Variants in PHOSPHO1 observed in about 807,000 individuals in gnomAD.
The protein encoded by PHOSPHO1 is phosphoethanolamine/phosphocholine phosphatase.
PHOSPHO1 carries 6 observed loss-of-function variants against 17.7 expected under a neutral mutation model. The ratio of observed to expected loss-of-function variants is 0.34; its 90% CI spans 0.19 to 0.67. The LOEUF is 0.67. Among genes scored for constraint, PHOSPHO1 ranks in the 30% least tolerant of loss-of-function variants. The pLI is 0.69. For synonymous variants in PHOSPHO1, 159 were observed against 174.6 expected, an observed-to-expected ratio of 0.91 and a Z score of 0.71; for missense variants, 330 against 392.1, an observed-to-expected ratio of 0.84 and a Z score of 1.34.
rs2143557667 is a variant in PHOSPHO1, at chr17:49,224,585, C to G, written c.465G>C (p.Arg155=). The G allele has an allele frequency of 6.4e-7, 1 of 1,564,068 alleles. No homozygotes were observed. Among genetic ancestry groups the G allele is most frequent in the East Asian group, 2.4e-5 (1 of 42,518 alleles). Residue 155 remains arginine (R), a synonymous_variant, in exon 3 of 3, where the codon CGG becomes CGC. Coordinates refer to ENST00000310544, the MANE Select transcript of PHOSPHO1 (RefSeq NM_178500.4). ...GGAACGGCCGCAGAGCCAGCAGTCCCCGCGCATCCGGCCCCGACGGGTTGC... is the reference window on the plus strand; with the variant it reads ...GGAACGGCCGCAGAGCCAGCAGTCCGCGCGCATCCGGCCCCGACGGGTTGC... ...ILSNPSGPDA[R]GLLALRPFHT...
rs1294844151 is a variant in PHOSPHO1 at position 49,224,753 on chromosome 17, C to A, written c.297G>T (p.Ser99=). Residue 99 remains serine (S), a synonymous_variant, in exon 3 of 3, where the codon TCG becomes TCT. Transcript: ENST00000310544. ...ACTGCAGCAGGTCGCTCATGCCTGG[C>A]GACAAAGGGATGGCTTCGTAGATGG... ...LSAIYEAIPL[S]PGMSDLLQFV... is the part of the protein sequence containing the mutation. 12 of 1,599,516 alleles carry A rather than the reference C, an allele frequency of 7.5e-6. No individual in the cohort carries two copies. The highest frequency in any genetic ancestry group is 3.4e-5 in the South Asian group (3 of 88,952).
At chr17:49,225,757 C>T (rs1316921131) in intron 2 of PHOSPHO1, 2 of 1,276,052 alleles carry the variant, frequency 1.6e-6, no homozygotes, top group Admixed American at 4.8e-5. Context: ...TAAGAGCCTC[C>T]CGCACCAGGC....
At chr17:49,225,065 C>A in intron 2 of PHOSPHO1, 61 bp from the exon 3 acceptor site, 11 of 1,446,136 alleles carry the variant, frequency 7.6e-6, no homozygotes, top group South Asian at 2.9e-5. Context: ...AGAGGGGGCG[C>A]GGCAGGAGCC....
Position 49,224,106 on chromosome 17 carries a change from C to T in PHOSPHO1, c.*140G>A. 5 of 1,302,838 alleles carry T rather than the reference C, an allele frequency of 3.8e-6. No homozygotes were observed. Among genetic ancestry groups the T allele is most frequent in the Non-Finnish European group, 5.1e-6 (5 of 981,488 alleles). The allele number at this position is 1,302,838 out of a possible 1,614,324, so 80.7% of individuals were successfully genotyped here. Reference sequence around the variant, plus strand: ...GCTCTGAGCCCCCTTCCCCAAGCCCCCAAATACGAGATTCCAGAAATTCCC... The same window carrying T: ...GCTCTGAGCCCCCTTCCCCAAGCCCTCAAATACGAGATTCCAGAAATTCCC... On this transcript the variant is annotated 3_prime_UTR_variant, in exon 3 of 3. Coordinates refer to ENST00000310544, the MANE Select transcript of PHOSPHO1 (RefSeq NM_178500.4).
In PHOSPHO1 at chr17:49,224,252, C is replaced by T. The variant is rs751801239; in HGVS notation, c.798G>A (p.Ser266=). ...VRLHLQQVLK[S]C ...CCCCTGCAGGCGGCCAGACTCAGCA[C>T]GACTTCAGCACCTGTTGCAGGTGGA... The change falls in exon 3 of 3, where the codon TCG becomes TCA. Residue 266 remains serine, a synonymous_variant. Coordinates refer to ENST00000310544, the MANE Select transcript of PHOSPHO1 (RefSeq NM_178500.4). The T allele has an allele frequency of 3.8e-6, 6 of 1,569,750 alleles. No homozygotes were observed. The East Asian group carries it at 6.8e-5, about 18-fold the overall frequency.
Position 49,224,004 on chromosome 17 carries a change from G to A in PHOSPHO1, c.*242C>T, listed in dbSNP as rs889152349. 5.2e-5 allele frequency: 25 copies of A among 482,358 alleles called. No homozygotes were observed. The highest frequency in any genetic ancestry group is 2.8e-4 in the Admixed American group (7 of 25,286). The allele number at this position is 482,358 out of a possible 1,614,324, so 29.9% of individuals were successfully genotyped here. On this transcript the variant is annotated 3_prime_UTR_variant, in exon 3 of 3. Transcript: ENST00000310544. ...AGGTTTGCGCGCCACCCCGCGATGG[G>A]TCAGACTCCAGAACTCAACCGTGCA...
chr17:49,226,636 GACCCACTTA>G lies in PHOSPHO1; in HGVS notation c.45+2_45+10del. On this transcript the variant is annotated splice_donor_variant and splice_donor_5th_base_variant and intron_variant, in intron 2 of 2. Coordinates refer to ENST00000310544, the MANE Select transcript of PHOSPHO1 (RefSeq NM_178500.4). LOFTEE classifies it high-confidence loss of function. ...CCTCATCCTAGGAGACCCCTGGAGG[GACCCACTTA>G]CCCTAGATAGGCAGCGGAGGCCAGA... is the stretch of plus-strand genomic sequence containing the variant. The G allele has an allele frequency of 6.2e-7, 1 of 1,614,020 alleles. No homozygotes were observed. The highest frequency in any genetic ancestry group is 8.5e-7 in the Non-Finnish European group (1 of 1,179,912).
At chr17:49,226,818 A>G (rs1378589450) in intron 1 of PHOSPHO1, 60 bp from the exon 2 acceptor site, 1 of 1,040,684 alleles carries the variant, frequency 9.6e-7, no homozygotes, top group Non-Finnish European at 1.5e-6. Flanking sequence ...TTCCACCAGG[A>G]ATACCCACCT....
chr17:49,225,500 C>T (rs929550686), intron 2 of PHOSPHO1: 12 of 985,294 alleles, frequency 1.2e-5, no homozygotes, highest in Non-Finnish European at 2.4e-6. Flanking sequence ...CCCAACTGGA[C>T]CAGTTTCCTC....
chr17:49,224,932 CG>C lies in PHOSPHO1; in HGVS notation c.117del (p.Asp39GlufsTer51). On this transcript the variant is annotated frameshift_variant, in exon 3 of 3. Transcript: ENST00000310544. LOFTEE classifies it high-confidence loss of function. Reference protein sequence around the residue: ...LTFDFDETIVDENSDDSIVRA... With the variant: ...LTFDFDETIVXENSDDSIVRA... ...CGCACGATCGAATCGTCGCTGTTTT[CG>C]TCCACGATAGTCTCGTCGAAGTCGA... 1 of 1,593,478 alleles carries C rather than the reference CG, an allele frequency of 6.3e-7. No homozygotes were observed. Among genetic ancestry groups the C allele is most frequent in the East Asian group, 2.3e-5 (1 of 43,886 alleles).
At position 49,224,157 on chromosome 17, in the gene PHOSPHO1, A is replaced by C; in HGVS notation, c.*89T>G. 7.0e-7 allele frequency: 1 copy of C among 1,426,356 alleles called. No homozygotes were observed. Among genetic ancestry groups the C allele is most frequent in the Non-Finnish European group, 9.2e-7 (1 of 1,088,482 alleles). The allele number at this position is 1,426,356 out of a possible 1,614,324, so 88.4% of individuals were successfully genotyped here. ...AGAGGGACATAACAAAGCCAAAGGG[A>C]AAAGGGAGTAGTAAAGCTGTCTTTG... is the stretch of plus-strand genomic sequence containing the variant. On this transcript the variant is annotated 3_prime_UTR_variant, in exon 3 of 3. Transcript: ENST00000310544.
In PHOSPHO1 at chr17:49,230,675, T is replaced by A. The variant is rs1598255764; in HGVS notation, c.-275A>T. The A allele has an allele frequency of 1.3e-5, 2 of 152,990 alleles. No homozygotes were observed. Among genetic ancestry groups the A allele is most frequent in the African/African-American group, 4.8e-5 (2 of 41,566 alleles). 9.5% of individuals were successfully genotyped at this position (152,990 alleles called of 1,614,324 possible). A position where few individuals can be genotyped will look rare whatever the true frequency, so the allele number is the denominator to read the frequency against. On this transcript the variant is annotated 5_prime_UTR_variant, in exon 1 of 3. The change creates a premature stop within an existing upstream ORF in the 5' untranslated region. Transcript: ENST00000310544. ...CGAGGGACTGAGGATGATGTGCGTC[T>A]GAGCCGTCCCCTCCACTTGCCCCTC...
chr17:49,226,280 G>A (rs1343559206), intron 2 of PHOSPHO1, among the ~76,000 whole-genome samples: 1 of 152,052 alleles, frequency 6.6e-6, no homozygotes, highest in Non-Finnish European at 1.5e-5. Context: ...CATATTCCTG[G>A]TGTGCTTATG....
At chr17:49,229,456 C>T (rs1383147983) in intron 1 of PHOSPHO1, among the ~76,000 whole-genome samples, 1 of 152,204 alleles carries the variant, frequency 6.6e-6, no homozygotes, top group Non-Finnish European at 1.5e-5. Context: ...CAGATCCCTG[C>T]CTGCTTCTCC....
intron 2 of PHOSPHO1, 98 bp from the exon 3 acceptor site, chr17:49,225,102 C>T: frequency 6.9e-7 from 1 of 1,442,730 alleles, no homozygotes; most frequent in South Asian, 1.5e-5. Flanking sequence ...GTTAGCGGGC[C>T]ACGGCCAGAG....
At chr17:49,226,562 G>T (rs1598252912) in intron 2 of PHOSPHO1, 85 bp downstream of exon 2, 11 of 1,430,510 alleles carry the variant, frequency 7.7e-6, no homozygotes, top group Non-Finnish European at 1.1e-5. Context: ...GCTGGATAGG[G>T]CCTCTCCCAA....
chr17:49,227,940 G>C (rs990323446), intron 1 of PHOSPHO1, among the ~76,000 whole-genome samples: 7 of 152,114 alleles, frequency 4.6e-5, no homozygotes, highest in African/African-American at 1.4e-4. Flanking sequence ...GAGGAGGTGG[G>C]AGAGAAGGGG....
Position 49,223,713 on chromosome 17 carries a change from G to A in PHOSPHO1, c.*533C>T, listed in dbSNP as rs2043318670. 6.5e-6 allele frequency: 1 copy of A among 153,636 alleles called. No individual in the cohort carries two copies. Among genetic ancestry groups the A allele is most frequent in the Non-Finnish European group, 1.5e-5 (1 of 68,928 alleles). 9.5% of individuals were successfully genotyped at this position (153,636 alleles called of 1,614,324 possible). ...GTCGGGAGGCAAGAGAGTGTGGACA[G>A]CACAGAAATAGTGTGGGGTCGCGGT... is the stretch of plus-strand genomic sequence containing the variant. On this transcript the variant is annotated 3_prime_UTR_variant, in exon 3 of 3. Transcript: ENST00000310544.
At position 49,224,750 on chromosome 17, in the gene PHOSPHO1, T is replaced by C; in HGVS notation, c.300A>G (p.Pro100=). The change falls in exon 3 of 3, where the codon CCA becomes CCG. Residue 100 remains proline (P), a synonymous_variant. Coordinates refer to ENST00000310544, the MANE Select transcript of PHOSPHO1 (RefSeq NM_178500.4). The part of the protein sequence containing the change: ...SAIYEAIPLS[P]GMSDLLQFVA... ...CAAACTGCAGCAGGTCGCTCATGCC[T>C]GGCGACAAAGGGATGGCTTCGTAGA... 1.3e-6 allele frequency: 2 copies of C among 1,599,750 alleles called. No individual in the cohort carries two copies. Among genetic ancestry groups the C allele is most frequent in the Non-Finnish European group, 1.7e-6 (2 of 1,173,448 alleles).
Sources: gnomAD v4.1 joint callset for allele counts (sites outside exome capture counted in the v4.1 genomes callset) on GRCh38, gnomAD v4.1.1 for gene constraint, MANE v1.5 for transcripts, NCBI Gene and HGNC (gene_info 2026-07-23, HGNC 2026-07-21) for gene names.